Variants in PRDM4 observed in about 807,000 individuals in gnomAD.
PRDM4 encodes PR domain zinc finger protein 4.
Under a neutral mutation model 62.3 loss-of-function variants are expected in PRDM4, and 38 were observed. The ratio of observed to expected loss-of-function variants is 0.61; its 90% CI spans 0.47 to 0.80. PRDM4 has a LOEUF of 0.80. PRDM4 is among the 30% of genes least tolerant of loss of function. The pLI is 0.00. For missense variants in PRDM4, 858 were observed against 997.1 expected, an observed-to-expected ratio of 0.86 and a Z score of 1.88; for synonymous variants, 339 against 348.2, an observed-to-expected ratio of 0.97 and a Z score of 0.30.
intron 5 of PRDM4, among the ~76,000 whole-genome samples, chr12:107,747,972 C>G (rs370923937): frequency 2.0e-5 from 3 of 151,932 alleles, no homozygotes; most frequent in Admixed American, 1.3e-4. Context: ...AGGCTGGTCT[C>G]GAACGCATGA....
In PRDM4 at chr12:107,739,419, C is replaced by T. The variant is rs947989177; in HGVS notation, c.2057G>A (p.Arg686Lys). Residue 686 changes from arginine (R) to lysine (K), a missense_variant, in exon 11 of 12, where the codon AGG becomes AAG. Physicochemically the swap from Arg to Lys is conservative, Grantham distance 26. Coordinates refer to ENST00000228437, the MANE Select transcript of PRDM4 (RefSeq NM_012406.4). ...CDYCDKLFMR[R>K]QDLKQHVLIH... The stretch of plus-strand genomic sequence containing the variant: ...GAGCACGTGCTGCTTGAGGTCCTGC[C>T]TCCGCATAAACAACTTGTCACAGTA... 3 of 1,613,822 alleles carry T rather than the reference C, an allele frequency of 1.9e-6. No homozygotes were observed. Among genetic ancestry groups the T allele is most frequent in the Non-Finnish European group, 2.5e-6 (3 of 1,179,808 alleles).
intron 4 of PRDM4, among the ~76,000 whole-genome samples, chr12:107,753,570 GAAT>G (rs1890968618): frequency 6.6e-6 from 1 of 151,962 alleles, no homozygotes; most frequent in African/African-American, 2.4e-5. Context: ...TCCTATAACA[GAAT>G]AAAAATTCAA....
At chr12:107,757,673 C>T (rs1891104457) in intron 2 of PRDM4, among the ~76,000 whole-genome samples, 1 of 152,162 alleles carries the variant, frequency 6.6e-6, no homozygotes, top group African/African-American at 2.4e-5. Context: ...TGAAAGATCA[C>T]AGATCAAACT....
chr12:107,742,247 T>C lies in PRDM4; in HGVS notation c.1583A>G (p.Tyr528Cys), dbSNP rs937067633. The C allele has an allele frequency of 1.2e-6, 2 of 1,613,310 alleles. No homozygotes were observed. The highest frequency in any genetic ancestry group is 1.1e-5 in the South Asian group (1 of 91,072). Residue 528 changes from tyrosine to cysteine, a missense_variant, in exon 9 of 12, where the codon TAT becomes TGT. Coordinates refer to ENST00000228437, the MANE Select transcript of PRDM4 (RefSeq NM_012406.4). ...AATCTGTTGAGCATAATCTCGGCTATAATAAAAAAGCAGTTCATTTTCAGG... is the reference window on the plus strand; with the variant it reads ...AATCTGTTGAGCATAATCTCGGCTACAATAAAAAAGCAGTTCATTTTCAGG... ...IPPENELLFY[Y>C]SRDYAQQIGV...
intron 5 of PRDM4, among the ~76,000 whole-genome samples, chr12:107,747,493 A>C (rs942807853): frequency 9.8e-5 from 15 of 152,300 alleles, no homozygotes; most frequent in Admixed American, 3.3e-4. Flanking sequence ...GGGCAGAAGA[A>C]TTGTATTCTT....
chr12:107,753,396 A>C (rs1037720088), intron 4 of PRDM4, among the ~76,000 whole-genome samples: 21 of 143,470 alleles, frequency 1.5e-4, no homozygotes, highest in African/African-American at 5.1e-4. Flanking sequence ...AAAAGAAAAG[A>C]AAAAAGAGAG....
chr12:107,742,763 CTTTTTTT>C (rs750002269), intron 8 of PRDM4, among the ~76,000 whole-genome samples: 20 of 120,546 alleles, frequency 1.7e-4, no homozygotes, highest in Admixed American at 5.0e-4. Flanking sequence ...TGGTAAGTGC[CTTTTTTT>C]TTTTTTTTTT....
Position 107,751,378 on chromosome 12 carries a change from C to A in PRDM4, c.1126+37G>T, listed in dbSNP as rs753184989. 57 of 1,555,192 alleles carry A rather than the reference C, an allele frequency of 3.7e-5. No individual in the cohort carries two copies. The Middle Eastern group carries it at 1.9e-3, about 52-fold the overall frequency. On this transcript the variant is annotated intron_variant, in intron 5 of 11. Transcript: ENST00000228437. ...TTGTTAGGGATGGTGGCCCTTTTTACAAATATTTCCAAAAAAGAAAGGCTA... is the reference window on the plus strand; with the variant it reads ...TTGTTAGGGATGGTGGCCCTTTTTAAAAATATTTCCAAAAAAGAAAGGCTA...
At chr12:107,752,422 ATG>A (rs1890924817) in intron 4 of PRDM4, among the ~76,000 whole-genome samples, 1 of 152,158 alleles carries the variant, frequency 6.6e-6, no homozygotes, top group South Asian at 2.1e-4. Context: ...AAAGTTAACT[ATG>A]TTCCTTTGAA....
intron 5 of PRDM4, among the ~76,000 whole-genome samples, chr12:107,747,519 T>C (rs933079230): frequency 5.9e-5 from 9 of 152,198 alleles, no homozygotes; most frequent in East Asian, 5.8e-4. Context: ...CATTATTTGC[T>C]TAAAATTCTT....
intron 11 of PRDM4, 69 bp from the exon 12 acceptor site, chr12:107,734,591 T>C: frequency 6.9e-7 from 1 of 1,450,318 alleles, no homozygotes; most frequent in Non-Finnish European, 9.4e-7. Flanking sequence ...CACTTATTCT[T>C]CATAGCCGCA....
chr12:107,734,158 T>A lies in PRDM4; in HGVS notation c.*52A>T. On this transcript the variant is annotated 3_prime_UTR_variant, in exon 12 of 12. Transcript: ENST00000228437. The stretch of plus-strand genomic sequence containing the variant: ...AACCATTATAGTAGATAACTGGTTA[T>A]GTGTATTTTTCCATTTGCATTTTCA... 2.0e-6 allele frequency: 3 copies of A among 1,504,736 alleles called. No homozygotes were observed. Among genetic ancestry groups the A allele is most frequent in the Non-Finnish European group, 2.7e-6 (3 of 1,115,832 alleles). The allele number at this position is 1,504,736 out of a possible 1,614,324, so 93.2% of individuals were successfully genotyped here. A position where few individuals can be genotyped will look rare whatever the true frequency, so the allele number is the denominator to read the frequency against.
intron 9 of PRDM4, among the ~76,000 whole-genome samples, chr12:107,741,497 G>T (rs1371732692): frequency 6.6e-6 from 1 of 151,906 alleles, no homozygotes; most frequent in Non-Finnish European, 1.5e-5. Flanking sequence ...ATCATTTGAG[G>T]CCAGGAGTTT....
rs1296284434 is a variant in PRDM4 at position 107,742,070 on chromosome 12, T to A, written c.1609+151A>T. On this transcript the variant is annotated intron_variant, in intron 9 of 11. Coordinates refer to ENST00000228437, the MANE Select transcript of PRDM4 (RefSeq NM_012406.4). ...CAGCTTGTGAAGAATCTCACAGATT[T>A]TAACACCTCAAATACAAGTAATAGT... 1.1e-5 allele frequency: 9 copies of A among 853,098 alleles called. No individual in the cohort carries two copies. In the Admixed American group the frequency reaches 2.5e-4, roughly 24 times the overall value. 52.8% of individuals were successfully genotyped at this position (853,098 alleles called of 1,614,324 possible).
In PRDM4 at chr12:107,741,156, G is replaced by A. The variant is rs762814132; in HGVS notation, c.1714C>T (p.Pro572Ser). ...HLTSHIHNHLPTQGHSGSHGP... is the reference protein window; with the variant it reads ...HLTSHIHNHLSTQGHSGSHGP... ...TGGCTGCCGCTATGTCCCTGGGTAGGAAGATGGTTATGGATGTGGCTGGTC... is the reference window on the plus strand; with the variant it reads ...TGGCTGCCGCTATGTCCCTGGGTAGAAAGATGGTTATGGATGTGGCTGGTC... The change falls in exon 10 of 12, where the codon CCT becomes TCT. Residue 572 changes from proline to serine, a missense_variant. Physicochemically the swap from Pro to Ser is moderately conservative, Grantham distance 74. Around this residue, in one of 3 missense-constraint regions of PRDM4, gnomAD observed 355 missense variants for 432.6 expected, o/e 0.82. Transcript: ENST00000228437. 6.8e-6 allele frequency: 11 copies of A among 1,614,156 alleles called. No individual in the cohort carries two copies. Among genetic ancestry groups the A allele is most frequent in the Non-Finnish European group, 9.3e-6 (11 of 1,180,038 alleles).
At chr12:107,743,005 G>A (rs192796785) in intron 8 of PRDM4, among the ~76,000 whole-genome samples, 192 bp downstream of exon 8, 147 of 152,244 alleles carry the variant, frequency 9.7e-4, no homozygotes, top group Non-Finnish European at 1.5e-3. Flanking sequence ...GGCCTCAAGC[G>A]ATTCTCCCAC....
At chr12:107,741,407 C>T in intron 9 of PRDM4, 147 bp from the exon 10 acceptor site, 1 of 773,536 alleles carries the variant, frequency 1.3e-6, no homozygotes, top group Non-Finnish European at 2.0e-6. Context: ...GTACTAAGGG[C>T]ATCTAAAATA....
intron 5 of PRDM4, among the ~76,000 whole-genome samples, chr12:107,746,920 G>C (rs997192857): frequency 6.6e-6 from 1 of 152,088 alleles, no homozygotes; most frequent in African/African-American, 2.4e-5. Flanking sequence ...TCAGACTTCA[G>C]TAAGATCTGA....
At chr12:107,741,759 A>T (rs1355556990) in intron 9 of PRDM4, among the ~76,000 whole-genome samples, 2 of 152,226 alleles carry the variant, frequency 1.3e-5, no homozygotes, top group African/African-American at 2.4e-5. Context: ...TACCAGGCAC[A>T]AAGAAAGCAC....
Sources: gnomAD v4.1 joint callset for allele counts (sites outside exome capture counted in the v4.1 genomes callset) on GRCh38, gnomAD v4.1.1 for gene constraint, gnomAD v4.1.1 regional missense constraint, MANE v1.5 for transcripts, NCBI Gene and HGNC (gene_info 2026-07-23, HGNC 2026-07-21) for gene names.